Variants in RELN observed in about 807,000 individuals in gnomAD.
RELN encodes reelin.
In RELN, 108 loss-of-function variants were observed where a neutral mutation model predicts 427.6. The observed-to-expected ratio is 0.25, with a 90% confidence interval of 0.22 to 0.30. The LOEUF is 0.30. Ranked by LOEUF, RELN falls within the 10% of genes least tolerant of loss-of-function variation. The probability of loss-of-function intolerance (pLI) is 1.00; values close to 1 mark genes in which losing one functional copy is unlikely to be tolerated. For missense variants in RELN, 3,715 were observed against 4,302.8 expected, an observed-to-expected ratio of 0.86 and a Z score of 3.82; for synonymous variants, 1,524 against 1,513.4, an observed-to-expected ratio of 1.01 and a Z score of -0.16.
chr7:103,542,982 T>C, intron 42 of RELN, 104 bp from the exon 43 acceptor site: 1 of 1,138,710 alleles, frequency 8.8e-7, no homozygotes, highest in South Asian at 1.4e-5. Flanking sequence ...TTTCAAAATA[T>C]GAAGTCATAA....
In RELN at chr7:103,833,511, G is replaced by C. The variant is rs768951055; in HGVS notation, c.473+26C>G. The C allele has an allele frequency of 5.0e-6, 8 of 1,603,956 alleles. No individual in the cohort carries two copies. The South Asian group carries it at 7.7e-5, about 15-fold the overall frequency. ...AGTCCTAAGTATTTGCCTTCTGTAC[G>C]TATGGCAGACACTTTGGGTACTTAC... is the stretch of plus-strand genomic sequence containing the variant. On this transcript the variant is annotated intron_variant, in intron 3 of 64. Transcript: ENST00000428762.
At position 103,968,420 on chromosome 7, in the gene RELN, C is replaced by G. The variant is rs1383143894; in HGVS notation, c.226+20711G>C. Among the ~76,000 whole-genome samples the G allele has an allele frequency of 6.6e-6, 1 of 152,028 alleles. No individual in the cohort carries two copies. Among genetic ancestry groups the G allele is most frequent in the Non-Finnish European group, 1.5e-5 (1 of 68,006 alleles). Reference sequence around the variant, plus strand: ...AGTGCCCTTTCATCAGTTGGTTTGACATCAGGTCTGCAGGCACCATGCGTT... The same window carrying G: ...AGTGCCCTTTCATCAGTTGGTTTGAGATCAGGTCTGCAGGCACCATGCGTT... On this transcript the variant is annotated intron_variant, in intron 1 of 64. Transcript: ENST00000428762. The surrounding 1 kb of genome is among the most constrained non-coding windows in gnomAD (Gnocchi z 4.3).
At chr7:103,743,424 A>C (rs1790724363) in intron 6 of RELN, among the ~76,000 whole-genome samples, 1 of 152,204 alleles carries the variant, frequency 6.6e-6, no homozygotes, top group African/African-American at 2.4e-5. Context: ...ATTAACCTTA[A>C]ATGTAAACGG....
At chr7:103,568,636 G>A (rs142021763) in intron 31 of RELN, among the ~76,000 whole-genome samples, 73 of 152,340 alleles carry the variant, frequency 4.8e-4, no homozygotes, top group African/African-American at 1.6e-3. Context: ...AAACTCTGAT[G>A]TTGCTCAAGA....
chr7:103,537,157 T>C lies in RELN; in HGVS notation c.7181-1673A>G, dbSNP rs1830070944. Reference sequence around the variant, plus strand: ...AAAAAACACAATTTAGAAGTTATTTTAGAAATTTTACTTTTCTGTCTCCTT... The same window carrying C: ...AAAAAACACAATTTAGAAGTTATTTCAGAAATTTTACTTTTCTGTCTCCTT... On this transcript the variant is annotated intron_variant, in intron 45 of 64. Transcript: ENST00000428762. 2.0e-5 allele frequency among the ~76,000 whole-genome samples: 3 copies of C among 152,236 alleles called. No homozygotes were observed. The South Asian group carries it at 6.2e-4, about 32-fold the overall frequency.
intron 18 of RELN, 59 bp downstream of exon 18, chr7:103,636,176 T>C (rs1832575277): frequency 9.1e-7 from 1 of 1,098,810 alleles, no homozygotes. Context: ...ATGGACAGTA[T>C]AACTAAATTC....
At chr7:103,926,097 G>A (rs1303401163) in intron 1 of RELN, among the ~76,000 whole-genome samples, 7 of 68,860 alleles carry the variant, frequency 1.0e-4, no homozygotes, top group African/African-American at 3.0e-4. Context: ...CCCCCACCCC[G>A]CCTTTTTTTT....
At chr7:103,524,191 G>A (rs1829772446) in intron 46 of RELN, among the ~76,000 whole-genome samples, 1 of 152,190 alleles carries the variant, frequency 6.6e-6, no homozygotes, top group Non-Finnish European at 1.5e-5. Flanking sequence ...TGACACCAGA[G>A]CTGCTGCTAA....
At chr7:103,757,235 G>A (rs1447664199) in intron 4 of RELN, among the ~76,000 whole-genome samples, 1 of 152,098 alleles carries the variant, frequency 6.6e-6, no homozygotes, top group Non-Finnish European at 1.5e-5. Flanking sequence ...AATGTAAAAT[G>A]CATGCTTGCT....
chr7:103,621,711 T>A (rs1035654278), intron 20 of RELN, among the ~76,000 whole-genome samples: 7 of 152,118 alleles, frequency 4.6e-5, no homozygotes, highest in Admixed American at 3.3e-4. Context: ...CCACTGTCCA[T>A]AGAAAATAAC....
intron 1 of RELN, among the ~76,000 whole-genome samples, chr7:103,936,273 A>T (rs149300094): frequency 6.6e-6 from 1 of 152,038 alleles, no homozygotes; most frequent in Admixed American, 6.6e-5. Flanking sequence ...ATGTATTTTT[A>T]GTAGAGATGG....
At chr7:103,931,396 T>G (rs371739025) in intron 1 of RELN, among the ~76,000 whole-genome samples, 1 of 152,170 alleles carries the variant, frequency 6.6e-6, no homozygotes, top group Admixed American at 6.5e-5. Flanking sequence ...TGAGTCTTCA[T>G]TCTTCCTCTC....
At chr7:103,757,299 A>C (rs1419085875) in intron 4 of RELN, among the ~76,000 whole-genome samples, 1 of 152,116 alleles carries the variant, frequency 6.6e-6, no homozygotes, top group East Asian at 1.9e-4. Context: ...ACATATCTCC[A>C]AGTCTACCTT....
intron 24 of RELN, among the ~76,000 whole-genome samples, chr7:103,599,477 T>C (rs1349455798): frequency 6.6e-6 from 1 of 152,176 alleles, no homozygotes; most frequent in South Asian, 2.1e-4. Context: ...GATTTGTAAA[T>C]GTCTAGTGCA....
intron 57 of RELN, among the ~76,000 whole-genome samples, 176 bp from the exon 58 acceptor site, chr7:103,492,202 A>G (rs1828696554): frequency 6.6e-6 from 1 of 152,198 alleles, no homozygotes; most frequent in Non-Finnish European, 1.5e-5. Context: ...AAAGATGTTC[A>G]ATTTTGCATG....
At chr7:103,887,819 C>G (rs1012503789) in intron 2 of RELN, among the ~76,000 whole-genome samples, 2 of 152,052 alleles carry the variant, frequency 1.3e-5, no homozygotes, top group African/African-American at 2.4e-5. Flanking sequence ...AATGAAGAAG[C>G]ACCAGAACTG....
chr7:103,845,292 G>C (rs542611523), intron 2 of RELN, among the ~76,000 whole-genome samples: 3 of 152,124 alleles, frequency 2.0e-5, no homozygotes, highest in Non-Finnish European at 4.4e-5. Context: ...CTGGGTTCAA[G>C]TGATTCTCAG....
intron 6 of RELN, among the ~76,000 whole-genome samples, chr7:103,744,424 G>A (rs7781095): frequency 1.3e-5 from 2 of 151,812 alleles, no homozygotes; most frequent in Non-Finnish European, 2.9e-5. Context: ...AGAGCAGAAC[G>A]GAAGGAAATG....
At chr7:103,515,630 A>G (rs1162841137) in intron 49 of RELN, among the ~76,000 whole-genome samples, 189 bp from the exon 50 acceptor site, 2 of 152,212 alleles carry the variant, frequency 1.3e-5, no homozygotes, top group African/African-American at 4.8e-5. Context: ...TAGTCACTAA[A>G]TTGGGGGAAA....
Sources: gnomAD v4.1 joint callset for allele counts (sites outside exome capture counted in the v4.1 genomes callset) on GRCh38, gnomAD v4.1.1 for gene constraint, Gnocchi (gnomAD v3.1) non-coding constraint, MANE v1.5 for transcripts, NCBI Gene and HGNC (gene_info 2026-07-23, HGNC 2026-07-21) for gene names.